The following CEP63 variants were observed in gnomAD, a reference collection of about 807,000 sequenced individuals.
CEP63 encodes the protein centrosomal protein of 63 kDa.
Under a neutral mutation model 89.1 loss-of-function variants are expected in CEP63, and 84 were observed. That is an observed-to-expected ratio of 0.94 (90% confidence interval 0.79 to 1.13). The LOEUF (loss-of-function observed/expected upper bound fraction) is 1.13, where lower values mean the gene tolerates loss of function less well. Ranked by LOEUF, CEP63 falls within the 50% of genes most tolerant of loss-of-function variation. CEP63 has a pLI of 0.00. For synonymous variants in CEP63, 267 were observed against 272.5 expected (o/e 0.98, Z 0.20); for missense variants, 838 against 813.3 (o/e 1.03, Z -0.37).
chr3:134,724,598 AT>A, the CEP63 span, among the ~76,000 whole-genome samples: 1 of 152,242 alleles, frequency 6.6e-6, no homozygotes, highest in Non-Finnish European at 1.5e-5. Context: ...CTGTGGGATT[AT>A]CTTCTGGCTA....
intron 5 of CEP63, among the ~76,000 whole-genome samples, chr3:134,534,725 C>T (rs1010376995): frequency 3.9e-5 from 6 of 152,140 alleles, no homozygotes; most frequent in Non-Finnish European, 7.4e-5. Context: ...TGTCTGTTCT[C>T]ACTTTAAATT....
the CEP63 span, among the ~76,000 whole-genome samples, chr3:134,654,854 C>A: frequency 1.3e-5 from 2 of 151,926 alleles, no homozygotes; most frequent in Admixed American, 6.5e-5. Flanking sequence ...GTACCCCAGT[C>A]CTTGGAGCTT....
At chr3:134,486,641 C>A in intron 1 of CEP63, 1 of 692,600 alleles carries the variant, frequency 1.4e-6, no homozygotes, top group Non-Finnish European at 1.8e-6. Context: ...TGCGGCCTCC[C>A]TGCCAGGGCT....
the CEP63 span, among the ~76,000 whole-genome samples, chr3:134,679,784 G>A: frequency 6.6e-6 from 1 of 152,184 alleles, no homozygotes; most frequent in Non-Finnish European, 1.5e-5. Flanking sequence ...GTGCAGTGGT[G>A]CAACCTCGGC....
chr3:134,767,256 T>C, the CEP63 span, among the ~76,000 whole-genome samples: 2 of 152,198 alleles, frequency 1.3e-5, no homozygotes, highest in Non-Finnish European at 2.9e-5. Context: ...CTTTGTGCAA[T>C]GTGGCTAGCA....
the CEP63 span, chr3:134,608,643 G>A: frequency 1.9e-6 from 3 of 1,614,024 alleles, no homozygotes; most frequent in Non-Finnish European, 2.5e-6. Context: ...CCTGCTCCGG[G>A]CTCACCTGTT....
intron 3 of CEP63, among the ~76,000 whole-genome samples, chr3:134,518,990 G>T (rs187717221): frequency 2.0e-5 from 3 of 152,026 alleles, no homozygotes; most frequent in African/African-American, 4.8e-5. Context: ...TAGTAAAGGG[G>T]TTATAAAAAG....
At chr3:134,567,377 A>G (rs1957817462), downstream of CEP63, among the ~76,000 whole-genome samples, 1 of 151,004 alleles carries the variant, frequency 6.6e-6, no homozygotes, top group Non-Finnish European at 1.5e-5. Context: ...TGGTTGCACA[A>G]CTCTGAATAT....
chr3:134,576,993 TAA>T (rs375597816), downstream of CEP63, among the ~76,000 whole-genome samples: 733 of 152,244 alleles, frequency 4.8e-3, 7 homozygotes, highest in African/African-American at 0.017. Context: ...GGCCAAACAG[TAA>T]AGTTTGTAAC....
In CEP63 at chr3:134,546,192, C is replaced by T; in HGVS notation, c.833C>T (p.Ser278Phe). The stretch of plus-strand genomic sequence containing the variant: ...AGAGAATTGAAGGCAGCTCTTCAGT[C>T]TCAAGAAAATCTCATACATGAGGCC... Reference protein sequence around the residue: ...EKRELKAALQSQENLIHEARI... With the variant: ...EKRELKAALQFQENLIHEARI... The change falls in exon 8 of 15, where the codon TCT becomes TTT. Residue 278 changes from serine (S) to phenylalanine (F), a missense_variant. Ser to Phe is a radical substitution (Grantham distance 155). Transcript: ENST00000675561. 1.9e-6 allele frequency: 3 copies of T among 1,613,750 alleles called. No homozygotes were observed. The highest frequency in any genetic ancestry group is 2.5e-6 in the Non-Finnish European group (3 of 1,179,886).
At chr3:134,753,763 A>G in the CEP63 span, among the ~76,000 whole-genome samples, 2 of 152,220 alleles carry the variant, frequency 1.3e-5, no homozygotes, top group African/African-American at 2.4e-5. Flanking sequence ...GAGGAAAGAA[A>G]AGTTCAGAGA....
chr3:134,720,964 C>T, the CEP63 span, among the ~76,000 whole-genome samples: 4 of 152,160 alleles, frequency 2.6e-5, no homozygotes, highest in Non-Finnish European at 5.9e-5. Context: ...TTTTGCGTCT[C>T]TAAAATTTCC....
rs144209315 is a variant in CEP63 at position 134,547,610 on chromosome 3, A to C, written c.1067+138A>C. The C allele has an allele frequency of 1.8e-5, 4 of 227,444 alleles. No individual in the cohort carries two copies. In the African/African-American group the frequency reaches 2.6e-4, roughly 15 times the overall value. 14.1% of individuals were successfully genotyped at this position (227,444 alleles called of 1,614,324 possible). A position where few individuals can be genotyped will look rare whatever the true frequency, so the allele number is the denominator to read the frequency against. The stretch of plus-strand genomic sequence containing the variant: ...GTATCCACAAATGGCCTAAGTTCTT[A>C]TTTCTTTTTTTTTTTTTTTGAGACG... On this transcript the variant is annotated intron_variant, in intron 9 of 14. Transcript: ENST00000675561.
At chr3:134,619,350 A>G in the CEP63 span, 2 of 1,006,022 alleles carry the variant, frequency 2.0e-6, no homozygotes, top group Non-Finnish European at 1.6e-6. Flanking sequence ...TGCTCTGGCC[A>G]TCACCAGCCC....
rs756625160 is a variant in CEP63 at position 134,558,355 on chromosome 3, T to G, written c.1673+8T>G. The stretch of plus-strand genomic sequence containing the variant: ...CAAGAATACAGAGTTCAAGTAAAAT[T>G]TTTTAAAAGTTTATTTAAAATGTGT... On this transcript the variant is annotated splice_region_variant and intron_variant, in intron 13 of 14. Transcript: ENST00000675561. The G allele has an allele frequency of 7.0e-6, 11 of 1,570,716 alleles. No individual in the cohort carries two copies. In the East Asian group the frequency reaches 2.5e-4, roughly 35 times the overall value.
chr3:134,682,151 C>G, the CEP63 span, among the ~76,000 whole-genome samples: 17 of 152,170 alleles, frequency 1.1e-4, no homozygotes, highest in Admixed American at 9.2e-4. Flanking sequence ...TAATGTATCT[C>G]CCATTACACC....
At chr3:134,522,115 G>A (rs550977383) in intron 3 of CEP63, among the ~76,000 whole-genome samples, 1 of 152,170 alleles carries the variant, frequency 6.6e-6, no homozygotes, top group African/African-American at 2.4e-5. Flanking sequence ...AAATTTGCCT[G>A]GAGATAATTT....
the CEP63 span, among the ~76,000 whole-genome samples, chr3:134,735,095 A>T: frequency 6.6e-6 from 1 of 152,160 alleles, no homozygotes; most frequent in Non-Finnish European, 1.5e-5. Context: ...TGACATGACT[A>T]TATTTTCTTT....
At chr3:134,635,822 G>A in the CEP63 span, among the ~76,000 whole-genome samples, 3 of 152,070 alleles carry the variant, frequency 2.0e-5, no homozygotes, top group East Asian at 3.9e-4. Context: ...GATACAGAAC[G>A]ATATAAAGCA....
Sources: allele counts gnomAD v4.1 joint callset (sites outside exome capture counted in the v4.1 genomes callset), GRCh38; gene constraint gnomAD v4.1.1; transcripts MANE v1.5; gene names NCBI Gene and HGNC (gene_info 2026-07-23, HGNC 2026-07-21).